Variants in CCT2 observed in about 807,000 individuals in gnomAD.
CCT2 encodes the protein T-complex protein 1 subunit beta.
CCT2 carries 18 observed loss-of-function variants against 61.8 expected under a neutral mutation model. The observed-to-expected ratio is 0.29, with a 90% CI of 0.20 to 0.43. The LOEUF is 0.43. Among genes scored for constraint, CCT2 ranks in the 20% least tolerant of loss-of-function variants. CCT2 has a pLI of 1.00. For missense variants in CCT2, 556 were observed against 656.9 expected (o/e 0.85, Z 1.68); for synonymous variants, 248 against 215.9 (o/e 1.15, Z -1.30).
intron 10 of CCT2, among the ~76,000 whole-genome samples, chr12:69,594,087 G>A (rs1037693057): frequency 2.6e-5 from 4 of 151,828 alleles, no homozygotes; most frequent in South Asian, 4.2e-4. Flanking sequence ...TGCAGTCAGC[G>A]GAGATCGTGC....
intron 15 of CCT2, among the ~76,000 whole-genome samples, chr12:69,600,516 T>G (rs750050539): frequency 2.0e-5 from 3 of 152,216 alleles, no homozygotes; most frequent in African/African-American, 2.4e-5. Context: ...ATAAAGAAAC[T>G]GAATTTTAAC....
chr12:69,594,822 A>G (rs1881939559), intron 10 of CCT2, among the ~76,000 whole-genome samples: 1 of 151,084 alleles, frequency 6.6e-6, no homozygotes, highest in Non-Finnish European at 1.5e-5. Flanking sequence ...GTCCATCCTA[A>G]GTGACAGAGC....
At chr12:69,594,279 G>A (rs1012467372) in intron 10 of CCT2, among the ~76,000 whole-genome samples, 31 of 152,218 alleles carry the variant, frequency 2.0e-4, no homozygotes, top group Middle Eastern at 3.4e-3. Flanking sequence ...TGCTTAGTAA[G>A]TAGTTGAATG....
intron 6 of CCT2, 147 bp from the exon 7 acceptor site, chr12:69,589,338 T>C (rs1047378667): frequency 8.0e-6 from 5 of 624,962 alleles, no homozygotes; most frequent in African/African-American, 3.7e-5. Flanking sequence ...TTAATTTGTG[T>C]TTCTTGATTA....
chr12:69,593,081 G>A lies in CCT2; in HGVS notation c.856G>A (p.Gly286Arg), dbSNP rs1275396297. 4.3e-6 allele frequency: 7 copies of A among 1,613,016 alleles called. No individual in the cohort carries two copies. The Admixed American group carries it at 1.0e-4, about 23-fold the overall frequency. The change falls in exon 9 of 16, where the codon GGA becomes AGA. Residue 286 changes from glycine (G) to arginine (R), a missense_variant. Physicochemically the swap from Gly to Arg is moderately radical, Grantham distance 125. This residue lies in a region of CCT2 where 308 missense variants were observed against 350.6 expected (regional missense o/e 0.88). Transcript: ENST00000299300. The stretch of plus-strand genomic sequence containing the variant: ...GAAAGTTGAACGTATTCTTAAGCAT[G>A]GAATAAATTGCTTTATTAACAGGTC... ...KEKVERILKH[G>R]INCFINRQLI...
At chr12:69,589,950 T>C (rs1239441132) in intron 7 of CCT2, among the ~76,000 whole-genome samples, 1 of 152,228 alleles carries the variant, frequency 6.6e-6, no homozygotes, top group South Asian at 2.1e-4. Flanking sequence ...ATGTTTTCTT[T>C]TACTAGAAAT....
rs573662223 is a variant in CCT2 at position 69,593,756 on chromosome 12, G to A, written c.982+143G>A. On this transcript the variant is annotated intron_variant, in intron 10 of 15. Coordinates refer to ENST00000299300, the MANE Select transcript of CCT2 (RefSeq NM_006431.3). ...TATTCTCTTGGATACCTTTAATTTA[G>A]ATACATAGATACATTACATTTACGA... 5 of 532,932 alleles carry A rather than the reference G, an allele frequency of 9.4e-6. No homozygotes were observed. The East Asian group carries it at 1.6e-4, about 17-fold the overall frequency. The allele number at this position is 532,932 out of a possible 1,614,324, so 33.0% of individuals were successfully genotyped here.
chr12:69,585,914 A>T, intron 1 of CCT2: 2 of 1,268,418 alleles, frequency 1.6e-6, no homozygotes, highest in Non-Finnish European at 2.0e-6. Context: ...TGGAAGATGG[A>T]GGCCGCGTTC....
chr12:69,585,528 A>C lies in CCT2; in HGVS notation c.3+4A>C. 6.4e-7 allele frequency: 1 copy of C among 1,570,760 alleles called. No individual in the cohort carries two copies. The highest frequency in any genetic ancestry group is 8.6e-7 in the Non-Finnish European group (1 of 1,157,078). ...TGCGGAACTCCTCGGAACCATGGTG[A>C]GCCTGACTCCCCTGCCTCTTGCCCT... is the stretch of plus-strand genomic sequence containing the variant. On this transcript the variant is annotated splice_donor_region_variant and intron_variant, in intron 1 of 15. Coordinates refer to ENST00000299300, the MANE Select transcript of CCT2 (RefSeq NM_006431.3).
chr12:69,590,308 C>T (rs1881796221), intron 7 of CCT2, among the ~76,000 whole-genome samples: 1 of 152,008 alleles, frequency 6.6e-6, no homozygotes, highest in Non-Finnish European at 1.5e-5. Flanking sequence ...TGGAACCAGT[C>T]CCCTTCGTAT....
intron 6 of CCT2, 166 bp from the exon 7 acceptor site, chr12:69,589,319 A>G: frequency 1.6e-6 from 1 of 607,392 alleles, no homozygotes; most frequent in Non-Finnish European, 2.9e-6. Flanking sequence ...GGTGGGGAAA[A>G]TAACATCTTT....
intron 1 of CCT2, chr12:69,585,937 G>C: frequency 7.8e-7 from 1 of 1,274,570 alleles, no homozygotes; most frequent in East Asian, 3.7e-5. Flanking sequence ...TCGCCCGCCC[G>C]GCAGGCGTCA....
chr12:69,590,221 G>A (rs1033581023), intron 7 of CCT2, among the ~76,000 whole-genome samples: 2 of 152,116 alleles, frequency 1.3e-5, no homozygotes, highest in African/African-American at 4.8e-5. Flanking sequence ...GTATATAGTG[G>A]GCCAGCTTTT....
At chr12:69,585,709 G>C in intron 1 of CCT2, 185 bp downstream of exon 1, 1 of 1,481,098 alleles carries the variant, frequency 6.8e-7, no homozygotes, top group Non-Finnish European at 9.0e-7. Flanking sequence ...TCACCACGAG[G>C]GGGAGGGGTG....
intron 7 of CCT2, among the ~76,000 whole-genome samples, chr12:69,591,759 G>A (rs1266193857): frequency 6.6e-6 from 1 of 152,084 alleles, no homozygotes; most frequent in African/African-American, 2.4e-5. Flanking sequence ...TACAGTCATG[G>A]GTTCCTAGTT....
rs1453400251 is a variant in CCT2, at chr12:69,600,262, A to G, written c.1577+258A>G. On this transcript the variant is annotated intron_variant, in intron 15 of 15. Transcript: ENST00000299300. ...CTTGGAAAGGTCAAGTACTGAGGAC[A>G]GTAGATGCTGTGATGCTTTCTATTG... Among the ~76,000 whole-genome samples the G allele has an allele frequency of 6.6e-6, 1 of 152,220 alleles. No individual in the cohort carries two copies. Among genetic ancestry groups the G allele is most frequent in the Non-Finnish European group, 1.5e-5 (1 of 68,038 alleles).
At chr12:69,591,944 T>G (rs558897927) in intron 7 of CCT2, 115 bp from the exon 8 acceptor site, 1 of 594,884 alleles carries the variant, frequency 1.7e-6, no homozygotes, top group African/African-American at 1.9e-5. Flanking sequence ...CTTGGTAAAT[T>G]GGACTTAAAT....
intron 6 of CCT2, chr12:69,588,532 G>A (rs1283659899): frequency 3.7e-6 from 1 of 268,658 alleles, no homozygotes; most frequent in Non-Finnish European, 7.0e-6. Context: ...TTTTAACCTA[G>A]TTAAATATTA....
At chr12:69,600,318 T>A (rs966927844) in intron 15 of CCT2, among the ~76,000 whole-genome samples, 5 of 152,188 alleles carry the variant, frequency 3.3e-5, no homozygotes, top group African/African-American at 1.2e-4. Flanking sequence ...AAAAGGAAAC[T>A]GAGTTCTGTA....
Sources: gnomAD v4.1 joint callset for allele counts (sites outside exome capture counted in the v4.1 genomes callset) on GRCh38, gnomAD v4.1.1 for gene constraint, gnomAD v4.1.1 regional missense constraint, MANE v1.5 for transcripts, NCBI Gene and HGNC (gene_info 2026-07-23, HGNC 2026-07-21) for gene names.